Variants in LARS2 observed in about 807,000 individuals in gnomAD.
LARS2 encodes the protein leucyl-tRNA synthetase 2, mitochondrial.
A neutral mutation model predicts 116.6 loss-of-function variants in LARS2; 81 were observed. The ratio of observed to expected loss-of-function variants is 0.69; its 90% CI spans 0.58 to 0.84. The LOEUF (loss-of-function observed/expected upper bound fraction) is 0.84, where lower values mean the gene tolerates loss of function less well. Among genes scored for constraint, LARS2 ranks in the 40% least tolerant of loss-of-function variants. The pLI, the probability that LARS2 is intolerant of heterozygous loss-of-function variation, is 0.00. For synonymous variants in LARS2, 396 were observed against 407.2 expected (o/e 0.97, Z 0.33); for missense variants, 968 against 1,114.5 (o/e 0.87, Z 1.87).
intron 8 of LARS2, among the ~76,000 whole-genome samples, chr3:45,469,665 C>A (rs1699487986): frequency 6.6e-6 from 1 of 151,884 alleles, no homozygotes; most frequent in African/African-American, 2.4e-5. Flanking sequence ...ATGTATAAAT[C>A]TTCATGCCAG....
intron 6 of LARS2, among the ~76,000 whole-genome samples, chr3:45,429,134 C>T (rs535461339): frequency 6.6e-6 from 1 of 152,340 alleles, no homozygotes; most frequent in East Asian, 1.9e-4. Context: ...TTTTCTGCTG[C>T]TACCATAACA....
intron 9 of LARS2, among the ~76,000 whole-genome samples, chr3:45,474,954 A>G (rs1326433324): frequency 6.6e-6 from 1 of 152,218 alleles, no homozygotes; most frequent in Non-Finnish European, 1.5e-5. Flanking sequence ...TGCTGTGGAA[A>G]CAGTGCTGAA....
At chr3:45,410,437 A>G (rs1444244181) in intron 4 of LARS2, among the ~76,000 whole-genome samples, 1 of 152,122 alleles carries the variant, frequency 6.6e-6, no homozygotes, top group Non-Finnish European at 1.5e-5. Context: ...ATTGTAGCCT[A>G]AACAGTGTTT....
At chr3:45,483,322 A>G (rs1470273665) in intron 10 of LARS2, among the ~76,000 whole-genome samples, 2 of 152,160 alleles carry the variant, frequency 1.3e-5, no homozygotes, top group African/African-American at 4.8e-5. Flanking sequence ...TATAATTGCA[A>G]AATTTGCAAA....
rs748218030 is a variant in LARS2 at position 45,476,485 on chromosome 3, G to A, written c.876G>A (p.Thr292=). 32 of 1,614,034 alleles carry A rather than the reference G, an allele frequency of 2.0e-5. No individual in the cohort carries two copies. The highest frequency in any genetic ancestry group is 3.3e-5 in the South Asian group (3 of 91,078). Residue 292 remains threonine, a synonymous_variant, in exon 10 of 22, where the codon ACG becomes ACA. Coordinates refer to ENST00000645846, the MANE Select transcript of LARS2 (RefSeq NM_015340.4). The part of the protein sequence containing the change: ...DFTLKVHGQA[T]GEKLTAYTAT... ...ATCACCAGGTTCATGGGCAAGCCAC[G>A]GGCGAAAAGCTGACTGCCTATACGG...
chr3:45,418,660 T>C (rs1180834996), intron 5 of LARS2, among the ~76,000 whole-genome samples: 1 of 152,206 alleles, frequency 6.6e-6, no homozygotes, highest in East Asian at 1.9e-4. Context: ...CGTGAGACAG[T>C]GGCAGAGCTG....
chr3:45,473,127 A>G (rs140727444), intron 8 of LARS2, among the ~76,000 whole-genome samples: 92 of 152,376 alleles, frequency 6.0e-4, no homozygotes, highest in African/African-American at 2.1e-3. Context: ...TCACAGGCCA[A>G]CATTTCCCTG....
intron 11 of LARS2, 89 bp from the exon 12 acceptor site, chr3:45,488,608 G>A (rs1049621220): frequency 1.7e-5 from 13 of 767,932 alleles, no homozygotes; most frequent in Non-Finnish European, 2.8e-5. Flanking sequence ...TCTCCTTTAA[G>A]AAGCTAAACC....
chr3:45,479,849 G>A (rs1575280479), intron 10 of LARS2, among the ~76,000 whole-genome samples: 1 of 152,060 alleles, frequency 6.6e-6, no homozygotes, highest in African/African-American at 2.4e-5. Flanking sequence ...CTGGGGCTTT[G>A]GAACCACACA....
chr3:45,399,402 T>A (rs565760795), intron 3 of LARS2, among the ~76,000 whole-genome samples: 24 of 152,358 alleles, frequency 1.6e-4, no homozygotes, highest in East Asian at 3.9e-4. Context: ...TGTTAGAGCT[T>A]CCTTCGGAAA....
At chr3:45,460,596 G>A (rs539640338) in intron 8 of LARS2, among the ~76,000 whole-genome samples, 2 of 152,306 alleles carry the variant, frequency 1.3e-5, no homozygotes, top group South Asian at 2.1e-4. Context: ...CTGTGCAGAT[G>A]TATTGAAAAA....
chr3:45,476,752 T>C (rs1699618164), intron 10 of LARS2, 125 bp downstream of exon 10: 5 of 866,392 alleles, frequency 5.8e-6, no homozygotes, highest in African/African-American at 5.1e-5. Context: ...CTTAGCCTGA[T>C]TTTTTATGTT....
chr3:45,412,003 C>T (rs934194500), intron 4 of LARS2, among the ~76,000 whole-genome samples: 1 of 152,174 alleles, frequency 6.6e-6, no homozygotes, highest in Non-Finnish European at 1.5e-5. Context: ...ATCCATGTTG[C>T]TGCAGAGGAC....
intron 15 of LARS2, among the ~76,000 whole-genome samples, chr3:45,510,671 T>G (rs1700274994): frequency 6.6e-6 from 1 of 152,184 alleles, no homozygotes; most frequent in African/African-American, 2.4e-5. Context: ...TGGAAGCACA[T>G]GCAGGCAACA....
chr3:45,532,177 A>G (rs1012860802), intron 20 of LARS2, among the ~76,000 whole-genome samples: 18 of 152,198 alleles, frequency 1.2e-4, no homozygotes, highest in Non-Finnish European at 2.2e-4. Context: ...TTATTTCCAG[A>G]TATAAATGCA....
At chr3:45,497,684 A>G (rs1181316433) in intron 14 of LARS2, among the ~76,000 whole-genome samples, 1 of 152,144 alleles carries the variant, frequency 6.6e-6, no homozygotes, top group East Asian at 1.9e-4. Context: ...AGGCAGGCTG[A>G]TCACCTGAGG....
At chr3:45,474,168 C>A in intron 8 of LARS2, 75 bp from the exon 9 acceptor site, 6 of 896,714 alleles carry the variant, frequency 6.7e-6, no homozygotes, top group Admixed American at 2.1e-5. Flanking sequence ...CCTACCTTAA[C>A]AAGCTGCAAA....
intron 7 of LARS2, among the ~76,000 whole-genome samples, chr3:45,448,452 C>T (rs976589616): frequency 1.3e-5 from 2 of 152,130 alleles, no homozygotes; most frequent in African/African-American, 2.4e-5. Context: ...AAGACCAGCT[C>T]GGTCGGGGAG....
intron 21 of LARS2, among the ~76,000 whole-genome samples, chr3:45,544,335 G>A (rs951694609): frequency 6.6e-6 from 1 of 152,238 alleles, no homozygotes; most frequent in Admixed American, 6.5e-5. Context: ...ATAAGTCTCA[G>A]TTTTACAACA....
Sources: allele counts gnomAD v4.1 joint callset (sites outside exome capture counted in the v4.1 genomes callset), GRCh38; gene constraint gnomAD v4.1.1; transcripts MANE v1.5; gene names NCBI Gene and HGNC (gene_info 2026-07-23, HGNC 2026-07-21).